The following CRIM1 variants were observed in gnomAD, a reference collection of about 807,000 sequenced individuals.
The protein encoded by CRIM1 is cysteine-rich motor neuron 1 protein.
In CRIM1, 32 loss-of-function variants were observed where a neutral mutation model predicts 116.4. That is an observed-to-expected ratio of 0.27 (90% CI 0.21 to 0.37). CRIM1 has a LOEUF of 0.37. Ranked by LOEUF, CRIM1 falls within the 10% of genes least tolerant of loss-of-function variation. CRIM1 has a pLI of 1.00. For missense variants in CRIM1, 1,331 were observed against 1,354.8 expected, an observed-to-expected ratio of 0.98 and a Z score of 0.28; for synonymous variants, 590 against 509.2, an observed-to-expected ratio of 1.16 and a Z score of -2.13.
chr2:36,506,564 C>A (rs916308126), intron 8 of CRIM1, among the ~76,000 whole-genome samples: 2 of 152,190 alleles, frequency 1.3e-5, no homozygotes, highest in Admixed American at 6.5e-5. Flanking sequence ...AGCAAACATT[C>A]CTATTTTTCC....
At chr2:36,428,205 A>G (rs1674606892) in intron 2 of CRIM1, among the ~76,000 whole-genome samples, 1 of 152,254 alleles carries the variant, frequency 6.6e-6, no homozygotes, top group Non-Finnish European at 1.5e-5. Flanking sequence ...AGGACTTCCC[A>G]GGAGACTGGG....
chr2:36,363,064 G>A (rs1669332685), intron 1 of CRIM1, among the ~76,000 whole-genome samples: 1 of 152,008 alleles, frequency 6.6e-6, no homozygotes, highest in South Asian at 2.1e-4. Flanking sequence ...GCCAGGCTTG[G>A]TGGCAGGCCC....
chr2:36,494,051 C>A (rs548298975), intron 7 of CRIM1, among the ~76,000 whole-genome samples: 1 of 152,246 alleles, frequency 6.6e-6, no homozygotes, highest in African/African-American at 2.4e-5. Context: ...AATAAACTAA[C>A]AAAAGGCAAG....
intron 11 of CRIM1, 87 bp downstream of exon 11, chr2:36,513,852 T>C (rs945153499): frequency 2.3e-5 from 29 of 1,237,260 alleles, no homozygotes; most frequent in East Asian, 7.6e-5. Flanking sequence ...TCTGGGGAGG[T>C]TGGAGGGGAC....
intron 1 of CRIM1, among the ~76,000 whole-genome samples, chr2:36,391,417 C>T (rs554295998): frequency 4.0e-5 from 6 of 151,414 alleles, no homozygotes; most frequent in East Asian, 3.9e-4. Context: ...CGTGAGCCAC[C>T]GCGCCCGGCC....
chr2:36,530,804 CTG>C (rs1053764514), intron 13 of CRIM1, among the ~76,000 whole-genome samples: 4 of 152,170 alleles, frequency 2.6e-5, no homozygotes, highest in Non-Finnish European at 5.9e-5. Context: ...AGAACCCAAA[CTG>C]TAATATCATG....
At chr2:36,436,822 T>C (rs1047788718) in intron 2 of CRIM1, among the ~76,000 whole-genome samples, 6 of 152,032 alleles carry the variant, frequency 3.9e-5, no homozygotes, top group African/African-American at 1.4e-4. Flanking sequence ...AGACTATAAA[T>C]TAAAAAAGAA....
intron 5 of CRIM1, among the ~76,000 whole-genome samples, chr2:36,474,610 CT>C (rs1678809833): frequency 6.6e-6 from 1 of 152,058 alleles, no homozygotes; most frequent in South Asian, 2.1e-4. Flanking sequence ...CATCCTAGCA[CT>C]TTGGGAGGCC....
At chr2:36,545,310 A>G (rs1361340652) in intron 15 of CRIM1, among the ~76,000 whole-genome samples, 1 of 152,148 alleles carries the variant, frequency 6.6e-6, no homozygotes, top group African/African-American at 2.4e-5. Context: ...TCCTGGACCT[A>G]GTGTTTTTGG....
At position 36,464,597 on chromosome 2, in the gene CRIM1, A is replaced by C; in HGVS notation, c.933A>C (p.Ile311=). Residue 311 remains isoleucine (I), a synonymous_variant, in exon 5 of 17, where the codon ATA becomes ATC. Coordinates refer to ENST00000280527, the MANE Select transcript of CRIM1 (RefSeq NM_016441.3). ...PVCEVGSTPR[I]VSRGDGTPGK... The stretch of plus-strand genomic sequence containing the variant: ...GTGAGGTGGGATCCACTCCCCGCAT[A>C]GTCTCTCGTGGCGATGGGACACCTG... 5 of 1,614,084 alleles carry C rather than the reference A, an allele frequency of 3.1e-6. No individual in the cohort carries two copies. Among genetic ancestry groups the C allele is most frequent in the Non-Finnish European group, 4.2e-6 (5 of 1,180,002 alleles).
chr2:36,446,622 C>A (rs555381560), intron 4 of CRIM1, among the ~76,000 whole-genome samples: 1 of 152,162 alleles, frequency 6.6e-6, no homozygotes, highest in Non-Finnish European at 1.5e-5. Flanking sequence ...TAATTTTTAA[C>A]CATTATTTGA....
At chr2:36,476,429 G>C (rs527430246) in intron 5 of CRIM1, among the ~76,000 whole-genome samples, 1 of 152,104 alleles carries the variant, frequency 6.6e-6, no homozygotes, top group Non-Finnish European at 1.5e-5. Context: ...CAGAGAAAAA[G>C]AATTTAAGAG....
At chr2:36,536,203 C>T (rs1454088155) in intron 13 of CRIM1, among the ~76,000 whole-genome samples, 2 of 152,200 alleles carry the variant, frequency 1.3e-5, no homozygotes, top group Non-Finnish European at 2.9e-5. Flanking sequence ...GCTCCTGATG[C>T]CATTATGGGC....
chr2:36,499,730 C>T (rs1355243853), intron 8 of CRIM1, among the ~76,000 whole-genome samples: 4 of 152,194 alleles, frequency 2.6e-5, no homozygotes, highest in Admixed American at 2.6e-4. Flanking sequence ...TTAGACTGTG[C>T]TTCACTTTGT....
Position 36,499,329 on chromosome 2 carries a change from A to T in CRIM1, c.1483A>T (p.Thr495Ser), listed in dbSNP as rs1427417629. The T allele has an allele frequency of 6.2e-7, 1 of 1,614,044 alleles. No individual in the cohort carries two copies. Among genetic ancestry groups the T allele is most frequent in the Non-Finnish European group, 8.5e-7 (1 of 1,180,010 alleles). ...GFKRDHNGCR[T>S]CQCINTEELC... ...CAAACGCGATCACAATGGTTGTCGG[A>T]CCTGTCAGTGCATAAACAGTGAGTA... is the stretch of plus-strand genomic sequence containing the variant. Residue 495 changes from threonine to serine, a missense_variant, in exon 8 of 17, where the codon ACC becomes TCC. This residue lies in a region of CRIM1 where 690 missense variants were observed against 676.0 expected (regional missense o/e 1.02). Transcript: ENST00000280527.
At chr2:36,509,483 C>T (rs868202912) in intron 8 of CRIM1, among the ~76,000 whole-genome samples, 1 of 152,154 alleles carries the variant, frequency 6.6e-6, no homozygotes, top group Non-Finnish European at 1.5e-5. Context: ...GCCGAAATCA[C>T]GCCACTGTAC....
chr2:36,545,896 A>T (rs1261875818), intron 15 of CRIM1, among the ~76,000 whole-genome samples: 2 of 152,132 alleles, frequency 1.3e-5, no homozygotes, highest in Non-Finnish European at 2.9e-5. Flanking sequence ...TTACTCTTTG[A>T]CATTTTTCTT....
At chr2:36,536,251 TTG>T (rs896445556) in intron 13 of CRIM1, among the ~76,000 whole-genome samples, 1 of 152,226 alleles carries the variant, frequency 6.6e-6, no homozygotes, top group African/African-American at 2.4e-5. Flanking sequence ...GTTCTGTTTC[TTG>T]TGTCTATTCA....
At chr2:36,526,750 G>A (rs1558402688) in intron 13 of CRIM1, among the ~76,000 whole-genome samples, 1 of 152,142 alleles carries the variant, frequency 6.6e-6, no homozygotes, top group Non-Finnish European at 1.5e-5. Flanking sequence ...GTGTCCAGGG[G>A]TCAGTCATTC....
Sources: gnomAD v4.1 joint callset for allele counts (sites outside exome capture counted in the v4.1 genomes callset) on GRCh38, gnomAD v4.1.1 for gene constraint, gnomAD v4.1.1 regional missense constraint, MANE v1.5 for transcripts, NCBI Gene and HGNC (gene_info 2026-07-23, HGNC 2026-07-21) for gene names.